The following SAMD4A variants were observed in gnomAD, a reference collection of about 807,000 sequenced individuals.
SAMD4A encodes the protein sterile alpha motif domain containing 4A, also known as protein Smaug homolog 1.
Under a neutral mutation model 81.3 loss-of-function variants are expected in SAMD4A, and 33 were observed. The ratio of observed to expected loss-of-function variants is 0.41; its 90% CI spans 0.31 to 0.54. The LOEUF (loss-of-function observed/expected upper bound fraction) is 0.54. Among genes scored for constraint, SAMD4A ranks in the 20% least tolerant of loss-of-function variants. The pLI is 0.37. For synonymous variants in SAMD4A, 389 were observed against 382.1 expected, an observed-to-expected ratio of 1.02 and a Z score of -0.21; for missense variants, 854 against 951.1, an observed-to-expected ratio of 0.90 and a Z score of 1.34.
At chr14:54,598,966 A>G (rs1438378556) in intron 2 of SAMD4A, among the ~76,000 whole-genome samples, 1 of 152,038 alleles carries the variant, frequency 6.6e-6, no homozygotes, top group Non-Finnish European at 1.5e-5. Context: ...GATTACAGGC[A>G]TGTACCACCA....
intron 2 of SAMD4A, among the ~76,000 whole-genome samples, chr14:54,614,258 A>G (rs1464880540): frequency 6.6e-6 from 1 of 152,248 alleles, no homozygotes; most frequent in Admixed American, 6.5e-5. Flanking sequence ...ATGTTAACAT[A>G]TAATGGGGTT....
chr14:54,681,421 A>G (rs2036125379), intron 2 of SAMD4A, among the ~76,000 whole-genome samples: 2 of 152,042 alleles, frequency 1.3e-5, no homozygotes, highest in South Asian at 4.1e-4. Context: ...GACACTGATT[A>G]TTTTACTTTA....
At chr14:54,601,930 A>C (rs1296311411) in intron 2 of SAMD4A, among the ~76,000 whole-genome samples, 1 of 152,182 alleles carries the variant, frequency 6.6e-6, no homozygotes, top group Non-Finnish European at 1.5e-5. Context: ...TGATGGTGCT[A>C]AGTCCTTAGA....
intron 2 of SAMD4A, among the ~76,000 whole-genome samples, chr14:54,660,519 T>C (rs2035617280): frequency 6.6e-6 from 1 of 152,204 alleles, no homozygotes; most frequent in Admixed American, 6.5e-5. Context: ...GCTTTGAGTT[T>C]CCAGAAGAGG....
At chr14:54,565,947 C>T (rs529310985), upstream of SAMD4A, among the ~76,000 whole-genome samples, 4 of 152,090 alleles carry the variant, frequency 2.6e-5, no homozygotes, top group South Asian at 6.2e-4. The surrounding 1 kb of genome is among the most constrained non-coding windows in gnomAD (Gnocchi z 5.4). Flanking sequence ...AATCCGTCCC[C>T]CCGCCCTGCG....
chr14:54,778,223 C>T (rs1026952186), intron 11 of SAMD4A, among the ~76,000 whole-genome samples: 5 of 152,224 alleles, frequency 3.3e-5, no homozygotes, highest in African/African-American at 1.2e-4. Flanking sequence ...CATACTGAAT[C>T]TTCCCTGAGC....
chr14:54,714,331 T>C (rs2037066184), intron 3 of SAMD4A, among the ~76,000 whole-genome samples: 1 of 152,236 alleles, frequency 6.6e-6, no homozygotes, highest in Admixed American at 6.5e-5. Flanking sequence ...TCACACTGAA[T>C]TCAACAGTAG....
At position 54,789,173 on chromosome 14, in the gene SAMD4A, TGTGGG is replaced by T; in HGVS notation, c.*236_*240del. On this transcript the variant is annotated 3_prime_UTR_variant, in exon 13 of 13. Transcript: ENST00000554335. Reference sequence around the variant, plus strand: ...GTTTCTGTCATGGGATGGTTTGGTGTGTGGGGTGGGGAGGGGTCTCTAGGGAATTA... The same window carrying T: ...GTTTCTGTCATGGGATGGTTTGGTGTGTGGGGAGGGGTCTCTAGGGAATTA... The T allele has an allele frequency of 2.2e-6, 1 of 457,924 alleles. No individual in the cohort carries two copies. Among genetic ancestry groups the T allele is most frequent in the Non-Finnish European group, 4.0e-6 (1 of 251,198 alleles). The allele number at this position is 457,924 out of a possible 1,614,324, so 28.4% of individuals were successfully genotyped here.
intron 2 of SAMD4A, among the ~76,000 whole-genome samples, chr14:54,581,403 C>T (rs2033461251): frequency 1.3e-5 from 2 of 152,244 alleles, no homozygotes; most frequent in Non-Finnish European, 2.9e-5. Context: ...ACACCAGGCC[C>T]CTCTGGGCCT....
intron 3 of SAMD4A, among the ~76,000 whole-genome samples, chr14:54,723,241 G>C (rs949957378): frequency 6.6e-6 from 1 of 152,118 alleles, no homozygotes; most frequent in Admixed American, 6.6e-5. Flanking sequence ...CAGAACAGCA[G>C]AACCGTAAGC....
chr14:54,592,661 A>G (rs941147952), intron 2 of SAMD4A, among the ~76,000 whole-genome samples: 3 of 152,080 alleles, frequency 2.0e-5, no homozygotes, highest in Admixed American at 6.5e-5. Flanking sequence ...GGGTTTCACC[A>G]TGTTAGCCAG....
chr14:54,638,273 G>A (rs191506260), intron 2 of SAMD4A, among the ~76,000 whole-genome samples: 2 of 152,310 alleles, frequency 1.3e-5, no homozygotes, highest in African/African-American at 4.8e-5. Flanking sequence ...CGGAGCAGCT[G>A]GTCTTAGCAG....
At chr14:54,572,756 C>G (rs934300817) in intron 2 of SAMD4A, among the ~76,000 whole-genome samples, 2 of 152,114 alleles carry the variant, frequency 1.3e-5, no homozygotes, top group Non-Finnish European at 2.9e-5. Context: ...TTGTTATTGT[C>G]CGGAAGTTAC....
rs759076152 is a variant in SAMD4A at position 54,702,108 on chromosome 14, C to T, written c.243C>T (p.Ser81=). 6.2e-7 allele frequency: 1 copy of T among 1,613,972 alleles called. No homozygotes were observed. The highest frequency in any genetic ancestry group is 1.1e-5 in the South Asian group (1 of 91,084). ...WQQESKDKVI[S]LLLTHLPLLK... ...AGGAATCCAAGGATAAAGTGATTTC[C>T]CTCCTGTTAACTCATCTGCCTTTGC... The change falls in exon 3 of 13, where the codon TCC becomes TCT. Residue 81 remains serine, a synonymous_variant. Transcript: ENST00000554335.
Position 54,727,820 on chromosome 14 carries a change from G to GCA in SAMD4A, c.716-9193_716-9192dup, listed in dbSNP as rs534072436. 5.3e-5 allele frequency among the ~76,000 whole-genome samples: 8 copies of GCA among 152,016 alleles called. No individual in the cohort carries two copies. In the South Asian group the frequency reaches 1.2e-3, roughly 24 times the overall value. The stretch of plus-strand genomic sequence containing the variant: ...TAGACATGTAGATGAACACGCACGC[G>GCA]CACACACACACAGACACACACGCAC... On this transcript the variant is annotated intron_variant, in intron 3 of 12. Coordinates refer to ENST00000554335, the MANE Select transcript of SAMD4A (RefSeq NM_015589.6).
chr14:54,754,050 T>C (rs377478155), intron 6 of SAMD4A, among the ~76,000 whole-genome samples: 19 of 152,372 alleles, frequency 1.2e-4, no homozygotes, highest in Admixed American at 7.8e-4. Context: ...TGGAGCAGCC[T>C]TGAGGATTCA....
At chr14:54,612,859 C>G (rs2034394765) in intron 2 of SAMD4A, among the ~76,000 whole-genome samples, 1 of 152,178 alleles carries the variant, frequency 6.6e-6, no homozygotes, top group Non-Finnish European at 1.5e-5. Context: ...TGGCTCACGC[C>G]TGTAATCCCA....
chr14:54,664,579 C>T (rs970463743), intron 2 of SAMD4A, among the ~76,000 whole-genome samples: 7 of 152,068 alleles, frequency 4.6e-5, no homozygotes, highest in Admixed American at 2.6e-4. Context: ...TCTCTCCCCA[C>T]TTCCTTCTCT....
intron 9 of SAMD4A, among the ~76,000 whole-genome samples, chr14:54,772,328 T>C (rs2038727176): frequency 6.6e-6 from 1 of 152,202 alleles, no homozygotes; most frequent in African/African-American, 2.4e-5. Context: ...CAGAAAGCAT[T>C]GATGATTTCA....
Sources: gnomAD v4.1 joint callset for allele counts (sites outside exome capture counted in the v4.1 genomes callset) on GRCh38, gnomAD v4.1.1 for gene constraint, Gnocchi (gnomAD v3.1) non-coding constraint, MANE v1.5 for transcripts, NCBI Gene and HGNC (gene_info 2026-07-23, HGNC 2026-07-21) for gene names.